TULP4: variants seen among roughly 807,000 people sequenced by gnomAD.
TULP4 encodes TUB like protein 4, also known as tubby-related protein 4.
Under a neutral mutation model 129.0 loss-of-function variants are expected in TULP4, and 16 were observed. That is an observed-to-expected ratio of 0.12 (90% CI 0.08 to 0.19). The LOEUF is 0.19. Ranked by LOEUF, TULP4 falls within the 10% of genes least tolerant of loss-of-function variation. The pLI is 1.00. For synonymous variants in TULP4, 998 were observed against 854.0 expected (o/e 1.17, Z -2.94); for missense variants, 1,842 against 2,059.1 (o/e 0.89, Z 2.04).
At chr6:158,439,696 G>GTTTT (rs1304055196) in intron 3 of TULP4, among the ~76,000 whole-genome samples, 1 of 94,530 alleles carries the variant, frequency 1.1e-5, no homozygotes, top group African/African-American at 4.3e-5. Flanking sequence ...TTGTACTAGA[G>GTTTT]TTTCTTTTTT....
At chr6:158,262,223 A>G (rs541559394) in intron 1 of TULP4, among the ~76,000 whole-genome samples, 9 of 152,086 alleles carry the variant, frequency 5.9e-5, no homozygotes, top group Non-Finnish European at 1.2e-4. Context: ...CAAACACCAC[A>G]CCATCATTCC....
At chr6:158,301,229 C>T (rs969380918) in intron 1 of TULP4, among the ~76,000 whole-genome samples, 5 of 152,052 alleles carry the variant, frequency 3.3e-5, no homozygotes, top group Non-Finnish European at 7.4e-5. Context: ...TTAACTCTAC[C>T]TTTTGAGCAG....
chr6:158,329,974 T>C (rs1369144072), intron 1 of TULP4, among the ~76,000 whole-genome samples: 1 of 152,182 alleles, frequency 6.6e-6, no homozygotes, highest in African/African-American at 2.4e-5. Flanking sequence ...CATTGTGCAA[T>C]AGAAACATAA....
At position 158,444,047 on chromosome 6, in the gene TULP4, G is replaced by A. The variant is rs577218089; in HGVS notation, c.544-4949G>A. Among the ~76,000 whole-genome samples, 112 of 151,132 alleles carry A rather than the reference G, an allele frequency of 7.4e-4. No homozygotes were observed. The East Asian group carries it at 8.0e-3, about 11-fold the overall frequency. Reference sequence around the variant, plus strand: ...ATCCTGGCTAACACGGTGAAACCCCGTCTCTACTAAAAAATACAAAAAATT... The same window carrying A: ...ATCCTGGCTAACACGGTGAAACCCCATCTCTACTAAAAAATACAAAAAATT... On this transcript the variant is annotated intron_variant, in intron 3 of 13. Transcript: ENST00000367097.
At chr6:158,491,979 C>G (rs1398719790) in intron 9 of TULP4, among the ~76,000 whole-genome samples, 1 of 152,168 alleles carries the variant, frequency 6.6e-6, no homozygotes, top group Non-Finnish European at 1.5e-5. Context: ...CTGCTTCAGC[C>G]TCCTGAGTAG....
chr6:158,429,795 G>T lies in TULP4; in HGVS notation c.441G>T (p.Gly147=). 6.2e-7 allele frequency: 1 copy of T among 1,614,118 alleles called. No individual in the cohort carries two copies. Among genetic ancestry groups the T allele is most frequent in the South Asian group, 1.1e-5 (1 of 91,064 alleles). ...GTQALISYRD[G]FVLVGSVSGQ... is the part of the protein sequence containing the mutation. Reference sequence around the variant, plus strand: ...AAGCACTTATTTCCTATCGAGATGGGTTTGTCCTGGTTGGGTCTGTCAGTG... The same window carrying T: ...AAGCACTTATTTCCTATCGAGATGGTTTTGTCCTGGTTGGGTCTGTCAGTG... The change falls in exon 3 of 14, where the codon GGG becomes GGT. Residue 147 remains glycine, a synonymous_variant. Coordinates refer to ENST00000367097, the MANE Select transcript of TULP4 (RefSeq NM_020245.5).
At chr6:158,240,018 CGGGG>C (rs1777836586) in intron 1 of TULP4, among the ~76,000 whole-genome samples, 1 of 103,448 alleles carries the variant, frequency 9.7e-6, no homozygotes, top group African/African-American at 3.3e-5. Context: ...CCCTCCCGGA[CGGGG>C]CGGCTGGCCG....
chr6:158,468,256 G>A (rs549328354), intron 6 of TULP4, among the ~76,000 whole-genome samples: 7 of 152,292 alleles, frequency 4.6e-5, no homozygotes, highest in African/African-American at 1.4e-4. Context: ...GATTATATGA[G>A]TAAACAAGCT....
chr6:158,437,127 A>G (rs746061201), intron 3 of TULP4, among the ~76,000 whole-genome samples: 1 of 152,224 alleles, frequency 6.6e-6, no homozygotes, highest in Non-Finnish European at 1.5e-5. Context: ...AGGCTTTTTC[A>G]TATACATGTT....
chr6:158,500,839 TG>T (rs1344619671), intron 12 of TULP4, among the ~76,000 whole-genome samples: 4 of 152,124 alleles, frequency 2.6e-5, no homozygotes, highest in Non-Finnish European at 5.9e-5. Flanking sequence ...GCGAGGTGGG[TG>T]GATCACCTGA....
chr6:158,497,906 G>A (rs1015761619), intron 11 of TULP4, among the ~76,000 whole-genome samples: 4 of 152,234 alleles, frequency 2.6e-5, no homozygotes, highest in African/African-American at 9.6e-5. Flanking sequence ...TCACAGGAGA[G>A]ACTATTGAAC....
At chr6:158,494,661 TA>T (rs1780288542) in intron 10 of TULP4, 91 bp from the exon 11 acceptor site, 23 of 1,206,312 alleles carry the variant, frequency 1.9e-5, no homozygotes, top group Non-Finnish European at 2.6e-5. Flanking sequence ...ACTCGTGGCT[TA>T]AGTAATAAAT....
At chr6:158,264,745 GT>G (rs1265574517) in intron 1 of TULP4, among the ~76,000 whole-genome samples, 11 of 152,170 alleles carry the variant, frequency 7.2e-5, no homozygotes, top group African/African-American at 2.7e-4. Context: ...CCGCATGTGG[GT>G]TGTGGCAAAC....
rs185140947 is a variant in TULP4, at chr6:158,493,329, G to A, written c.1632-244G>A. Reference sequence around the variant, plus strand: ...CAAGCAGCTGGGACTGCAGGTGTGTGCCACCACACCCAGTTTCTCAATATA... The same window carrying A: ...CAAGCAGCTGGGACTGCAGGTGTGTACCACCACACCCAGTTTCTCAATATA... On this transcript the variant is annotated intron_variant, in intron 9 of 13. Coordinates refer to ENST00000367097, the MANE Select transcript of TULP4 (RefSeq NM_020245.5). The surrounding 1 kb of genome is among the most constrained non-coding windows in gnomAD (Gnocchi z 4.4). Among the ~76,000 whole-genome samples, 1 of 152,306 alleles carries A rather than the reference G, an allele frequency of 6.6e-6. No homozygotes were observed. Among genetic ancestry groups the A allele is most frequent in the African/African-American group, 2.4e-5 (1 of 41,550 alleles).
At chr6:158,464,964 G>A (rs570130372) in intron 6 of TULP4, among the ~76,000 whole-genome samples, 2 of 152,274 alleles carry the variant, frequency 1.3e-5, no homozygotes, top group East Asian at 3.9e-4. Flanking sequence ...TATATTTGGG[G>A]GTAAAATACT....
At chr6:158,236,838 G>A (rs561627120) in intron 1 of TULP4, among the ~76,000 whole-genome samples, 14 of 69,104 alleles carry the variant, frequency 2.0e-4, no homozygotes, top group African/African-American at 7.2e-4. Context: ...TTTTGAGATA[G>A]GGTCTTGCTC....
At chr6:158,501,630 T>G in intron 12 of TULP4, 48 bp from the exon 13 acceptor site, 1 of 1,560,482 alleles carries the variant, frequency 6.4e-7, no homozygotes, top group Non-Finnish European at 8.8e-7. Context: ...TGATCTGGTT[T>G]AATGGCAGTG....
At chr6:158,424,136 C>T (rs1778420127) in intron 2 of TULP4, among the ~76,000 whole-genome samples, 1 of 152,130 alleles carries the variant, frequency 6.6e-6, no homozygotes, top group African/African-American at 2.4e-5. Context: ...ACAGTCATCC[C>T]TTGGTATCCA....
At chr6:158,416,914 T>C (rs928198229) in intron 2 of TULP4, among the ~76,000 whole-genome samples, 1 of 152,234 alleles carries the variant, frequency 6.6e-6, no homozygotes, top group Non-Finnish European at 1.5e-5. Flanking sequence ...TGTATTACAG[T>C]TGCCTACAGT....
Sources: allele counts gnomAD v4.1 joint callset (sites outside exome capture counted in the v4.1 genomes callset), GRCh38; gene constraint gnomAD v4.1.1; non-coding constraint Gnocchi (gnomAD v3.1); transcripts MANE v1.5; gene names NCBI Gene and HGNC (gene_info 2026-07-23, HGNC 2026-07-21).